FMN1: variants seen among roughly 807,000 people sequenced by gnomAD.
The protein encoded by FMN1 is formin-1.
Under a neutral mutation model 132.4 loss-of-function variants are expected in FMN1, and 110 were observed. That is an observed-to-expected ratio of 0.83 (90% CI 0.71 to 0.97). FMN1 has a LOEUF of 0.97. Among genes scored for constraint, FMN1 ranks in the 50% least tolerant of loss-of-function variants. The pLI is 0.00. For missense variants in FMN1, 1,792 were observed against 1,705.3 expected (o/e 1.05, Z -0.90); for synonymous variants, 722 against 651.7 (o/e 1.11, Z -1.64).
chr15:32,948,505 T>A (rs1177527435), intron 9 of FMN1, among the ~76,000 whole-genome samples: 1 of 152,040 alleles, frequency 6.6e-6, no homozygotes, highest in African/African-American at 2.4e-5. Flanking sequence ...TAAAATAAGC[T>A]GGACCTCGCA....
chr15:32,994,226 T>A (rs1477717778), intron 7 of FMN1, among the ~76,000 whole-genome samples: 3 of 148,438 alleles, frequency 2.0e-5, no homozygotes, highest in Admixed American at 6.7e-5. Flanking sequence ...TCTCTCTCTC[T>A]CTCTCTCACA....
chr15:32,798,311 G>A (rs1461133107), intron 19 of FMN1, among the ~76,000 whole-genome samples: 3 of 152,104 alleles, frequency 2.0e-5, no homozygotes, highest in Admixed American at 6.5e-5. Flanking sequence ...TTTGATGTCC[G>A]CAGCAGGATA....
chr15:32,977,015 G>A (rs1472728195), intron 7 of FMN1, among the ~76,000 whole-genome samples: 3 of 152,186 alleles, frequency 2.0e-5, no homozygotes, highest in African/African-American at 7.2e-5. Flanking sequence ...AATCCTGGCT[G>A]ATATAAAAAT....
At chr15:32,913,549 C>T (rs2060614427) in intron 10 of FMN1, among the ~76,000 whole-genome samples, 1 of 152,162 alleles carries the variant, frequency 6.6e-6, no homozygotes, top group Admixed American at 6.5e-5. Flanking sequence ...GCCATGGCTT[C>T]CTCCCTTTCT....
intron 6 of FMN1, among the ~76,000 whole-genome samples, chr15:33,042,345 T>G (rs962885076): frequency 6.6e-6 from 1 of 152,098 alleles, no homozygotes; most frequent in African/African-American, 2.4e-5. Flanking sequence ...AGAATTCCAG[T>G]AAAAATTACA....
At chr15:33,037,534 T>C (rs1212295080) in intron 6 of FMN1, among the ~76,000 whole-genome samples, 1 of 152,140 alleles carries the variant, frequency 6.6e-6, no homozygotes, top group Non-Finnish European at 1.5e-5. Flanking sequence ...TTTGTAACCT[T>C]AGGCTCTGGT....
chr15:33,031,832 A>G (rs932997126), intron 6 of FMN1, among the ~76,000 whole-genome samples: 2 of 152,248 alleles, frequency 1.3e-5, no homozygotes, highest in Admixed American at 6.5e-5. Flanking sequence ...TCAAGTTTCT[A>G]TGTCCTATAA....
intron 6 of FMN1, among the ~76,000 whole-genome samples, chr15:33,059,966 T>C (rs61999983): frequency 0.14 from 20,794 of 152,286 alleles, 1,627 homozygotes; most frequent in Middle Eastern, 0.23. Context: ...GTCAGTCTCC[T>C]CTAGAGCTCC....
At chr15:32,985,892 A>C (rs1053742830) in intron 7 of FMN1, among the ~76,000 whole-genome samples, 14 of 152,168 alleles carry the variant, frequency 9.2e-5, no homozygotes, top group African/African-American at 3.4e-4. Flanking sequence ...TTTAATTGGT[A>C]AGAATTTTTA....
chr15:32,972,888 T>A (rs1469357886), intron 7 of FMN1, among the ~76,000 whole-genome samples: 1 of 152,228 alleles, frequency 6.6e-6, no homozygotes, highest in East Asian at 1.9e-4. Context: ...AACCCCAATG[T>A]GTTCCTCCTC....
intron 4 of FMN1, among the ~76,000 whole-genome samples, chr15:33,128,745 G>T (rs1002957176): frequency 1.3e-5 from 2 of 152,198 alleles, no homozygotes; most frequent in African/African-American, 4.8e-5. Flanking sequence ...GTGATGTGGT[G>T]AATTTTAAAG....
At chr15:33,094,983 A>G (rs2039027715) in intron 4 of FMN1, among the ~76,000 whole-genome samples, 1 of 152,226 alleles carries the variant, frequency 6.6e-6, no homozygotes, top group Admixed American at 6.5e-5. Flanking sequence ...CTCCCAGATA[A>G]TAAATGCTCA....
chr15:33,079,424 A>G (rs1408629914), intron 5 of FMN1, among the ~76,000 whole-genome samples: 1 of 152,234 alleles, frequency 6.6e-6, no homozygotes, highest in Non-Finnish European at 1.5e-5. Flanking sequence ...GGAGTTCAAC[A>G]CCAACCTGGC....
intron 6 of FMN1, among the ~76,000 whole-genome samples, chr15:33,044,177 G>A (rs1162575494): frequency 6.6e-6 from 1 of 152,224 alleles, no homozygotes; most frequent in Non-Finnish European, 1.5e-5. Context: ...ATGGGATGGA[G>A]GCTGAGGAGG....
intron 15 of FMN1, among the ~76,000 whole-genome samples, chr15:32,894,340 T>C (rs1452198905): frequency 1.3e-5 from 2 of 151,900 alleles, no homozygotes; most frequent in African/African-American, 4.8e-5. Flanking sequence ...CAAAAAAAAT[T>C]AGGTGTGGTG....
chr15:32,926,158 G>A lies in FMN1; in HGVS notation c.3226+16C>T. On this transcript the variant is annotated intron_variant, in intron 10 of 20. Coordinates refer to ENST00000616417, the MANE Select transcript of FMN1 (RefSeq NM_001277313.2). Reference sequence around the variant, plus strand: ...AAAATGGAAAAAGTAAAACAAAAGTGATAGAAAAGACTTACCCTGTTGGAT... The same window carrying A: ...AAAATGGAAAAAGTAAAACAAAAGTAATAGAAAAGACTTACCCTGTTGGAT... 1.5e-6 allele frequency: 2 copies of A among 1,308,638 alleles called. No homozygotes were observed. Among genetic ancestry groups the A allele is most frequent in the Non-Finnish European group, 2.1e-6 (2 of 934,720 alleles). The allele number at this position is 1,308,638 out of a possible 1,614,324, so 81.1% of individuals were successfully genotyped here. A position where few individuals can be genotyped will look rare whatever the true frequency, so the allele number is the denominator to read the frequency against.
At position 32,911,968 on chromosome 15, in the gene FMN1, T is replaced by C. The variant is rs150843951; in HGVS notation, c.3227-1433A>G. Among the ~76,000 whole-genome samples, 417 of 152,312 alleles carry C rather than the reference T, an allele frequency of 2.7e-3. 5 individuals carry two copies. Among genetic ancestry groups the C allele is most frequent in the African/African-American group, 9.7e-3 (404 of 41,572 alleles). On this transcript the variant is annotated intron_variant, in intron 10 of 20. Transcript: ENST00000616417. ...ACAACAGGCATTTTTAAATGTCTAGTGCGTTGAAAACCAAAATAGCCAGAA... is the reference window on the plus strand; with the variant it reads ...ACAACAGGCATTTTTAAATGTCTAGCGCGTTGAAAACCAAAATAGCCAGAA...
At chr15:33,119,022 C>A (rs1374771075) in intron 4 of FMN1, among the ~76,000 whole-genome samples, 1 of 152,036 alleles carries the variant, frequency 6.6e-6, no homozygotes, top group Non-Finnish European at 1.5e-5. Flanking sequence ...AGATCAGCAC[C>A]CCTGCAGGTA....
intron 4 of FMN1, among the ~76,000 whole-genome samples, chr15:33,090,393 GAAAA>G (rs1377859747): frequency 6.6e-6 from 1 of 152,082 alleles, no homozygotes; most frequent in African/African-American, 2.4e-5. Flanking sequence ...AAGAAAATTT[GAAAA>G]CAGCTAAGGT....
Sources: gnomAD v4.1 joint callset for allele counts (sites outside exome capture counted in the v4.1 genomes callset) on GRCh38, gnomAD v4.1.1 for gene constraint, MANE v1.5 for transcripts, NCBI Gene and HGNC (gene_info 2026-07-23, HGNC 2026-07-21) for gene names.